Variants in PTPRG observed in about 807,000 individuals in gnomAD.
The protein encoded by PTPRG is receptor-type tyrosine-protein phosphatase gamma.
A neutral mutation model predicts 165.3 loss-of-function variants in PTPRG; 102 were observed. The observed-to-expected ratio is 0.62, with a 90% CI of 0.53 to 0.73. The LOEUF (loss-of-function observed/expected upper bound fraction) is 0.73. Among genes scored for constraint, PTPRG ranks in the 30% least tolerant of loss-of-function variants. The probability of loss-of-function intolerance (pLI) is 0.00; values close to 1 mark genes in which losing one functional copy is unlikely to be tolerated. For synonymous variants in PTPRG, 675 were observed against 669.5 expected, an observed-to-expected ratio of 1.01 and a Z score of -0.13; for missense variants, 1,866 against 1,861.4, an observed-to-expected ratio of 1.00 and a Z score of -0.05.
chr3:61,948,371 A>C (rs1225669170), intron 2 of PTPRG, among the ~76,000 whole-genome samples: 3 of 152,166 alleles, frequency 2.0e-5, no homozygotes, highest in Admixed American at 2.0e-4. Flanking sequence ...AAATGCAGTC[A>C]TTCACTCCCT....
intron 1 of PTPRG, among the ~76,000 whole-genome samples, chr3:61,732,615 A>G (rs2106841158): frequency 6.6e-6 from 1 of 151,164 alleles, no homozygotes; most frequent in Middle Eastern, 3.4e-3. Context: ...AGGCTGAGGC[A>G]GGAGAATGGC....
intron 4 of PTPRG, among the ~76,000 whole-genome samples, chr3:62,069,823 A>G (rs988514347): frequency 3.3e-5 from 5 of 152,172 alleles, no homozygotes; most frequent in South Asian, 2.1e-4. Context: ...CCTGAGCTCA[A>G]TCTGTGTTGC....
chr3:61,727,138 AG>A (rs1243651543), intron 1 of PTPRG, among the ~76,000 whole-genome samples: 1 of 151,420 alleles, frequency 6.6e-6, no homozygotes, highest in Non-Finnish European at 1.5e-5. Flanking sequence ...TGAATGCAGG[AG>A]GGGAGAGGAA....
chr3:62,199,916 C>T (rs1700058338), intron 10 of PTPRG, among the ~76,000 whole-genome samples: 1 of 152,280 alleles, frequency 6.6e-6, no homozygotes, highest in East Asian at 1.9e-4. Flanking sequence ...ATATTATTCA[C>T]CCTCAAAAAG....
intron 2 of PTPRG, among the ~76,000 whole-genome samples, chr3:61,959,207 A>T (rs2040097426): frequency 6.6e-6 from 1 of 152,192 alleles, no homozygotes; most frequent in Non-Finnish European, 1.5e-5. Context: ...TGCAGAGAGA[A>T]TATCATGGCC....
At chr3:61,700,867 G>T (rs765892307) in intron 1 of PTPRG, among the ~76,000 whole-genome samples, 1 of 152,196 alleles carries the variant, frequency 6.6e-6, no homozygotes, top group South Asian at 2.1e-4. Context: ...GGAAATACAT[G>T]TAAAACATCC....
chr3:62,020,387 A>T (rs1265734262), intron 4 of PTPRG, among the ~76,000 whole-genome samples: 2 of 152,326 alleles, frequency 1.3e-5, no homozygotes, highest in African/African-American at 4.8e-5. Flanking sequence ...TTTGTAAGCT[A>T]GAACAAGTAT....
intron 6 of PTPRG, among the ~76,000 whole-genome samples, chr3:62,133,962 A>G (rs1703612416): frequency 6.6e-6 from 1 of 152,108 alleles, no homozygotes; most frequent in African/African-American, 2.4e-5. Flanking sequence ...CAGCCTGGAC[A>G]ACAGAGAGAG....
intron 28 of PTPRG, among the ~76,000 whole-genome samples, chr3:62,286,002 T>C (rs990707252): frequency 1.3e-5 from 2 of 152,228 alleles, no homozygotes; most frequent in African/African-American, 4.8e-5. Flanking sequence ...GTACATGACA[T>C]GTGATAACAT....
chr3:62,109,200 C>T (rs1308934860), intron 5 of PTPRG, among the ~76,000 whole-genome samples: 2 of 152,140 alleles, frequency 1.3e-5, no homozygotes, highest in Non-Finnish European at 2.9e-5. Context: ...AGTCTTTGAT[C>T]CATCTTGAGT....
chr3:61,786,981 G>A (rs1347179282), intron 2 of PTPRG, among the ~76,000 whole-genome samples: 2 of 152,012 alleles, frequency 1.3e-5, no homozygotes, highest in Non-Finnish European at 2.9e-5. Context: ...CACAGTTTTG[G>A]TTTTTAACAT....
chr3:62,168,196 A>G, intron 8 of PTPRG, 33 bp downstream of exon 8: 1 of 1,547,488 alleles, frequency 6.5e-7, no homozygotes, highest in Non-Finnish European at 8.8e-7. Context: ...GCCCAGAGGA[A>G]GATTCCTTAT....
intron 4 of PTPRG, among the ~76,000 whole-genome samples, chr3:62,009,729 T>C (rs2041373957): frequency 6.6e-6 from 1 of 152,052 alleles, no homozygotes; most frequent in South Asian, 2.1e-4. Context: ...AGTGCCACCC[T>C]CTCCACACTG....
chr3:61,821,706 A>T lies in PTPRG; in HGVS notation c.190+72724A>T, dbSNP rs865880665. Reference sequence around the variant, plus strand: ...TAAAGAGATATAAACAGTAGAGGGTAAGGGGTCGTGAGGTGAGTGTATGAA... The same window carrying T: ...TAAAGAGATATAAACAGTAGAGGGTTAGGGGTCGTGAGGTGAGTGTATGAA... On this transcript the variant is annotated intron_variant, in intron 2 of 29. Coordinates refer to ENST00000474889, the MANE Select transcript of PTPRG (RefSeq NM_002841.4). Among the ~76,000 whole-genome samples the T allele has an allele frequency of 3.9e-5, 6 of 152,304 alleles. No homozygotes were observed. The South Asian group carries it at 6.2e-4, about 16-fold the overall frequency.
At position 62,245,629 on chromosome 3, in the gene PTPRG, A is replaced by G. The variant is rs1701271982; in HGVS notation, c.2467+1731A>G. On this transcript the variant is annotated intron_variant, in intron 15 of 29. Transcript: ENST00000474889. This position sits in a 1 kb window ranked among gnomAD's most constrained non-coding sequence, Gnocchi z 4.2. ...GAACCTTAGTTTCCAGAATCTGTAA[A>G]TTAATTAGGATGCCTATTCTCCTTG... 6.6e-6 allele frequency among the ~76,000 whole-genome samples: 1 copy of G among 152,096 alleles called. No homozygotes were observed. Among genetic ancestry groups the G allele is most frequent in the Non-Finnish European group, 1.5e-5 (1 of 68,018 alleles).
chr3:61,736,733 A>T (rs2032738688), intron 1 of PTPRG, among the ~76,000 whole-genome samples: 1 of 152,148 alleles, frequency 6.6e-6, no homozygotes, highest in African/African-American at 2.4e-5. Context: ...GATCGGAGTG[A>T]GGAGCCACTG....
Position 62,094,965 on chromosome 3 carries a change from G to A in PTPRG, c.615+16707G>A, listed in dbSNP as rs181776449. On this transcript the variant is annotated intron_variant, in intron 5 of 29. Transcript: ENST00000474889. Reference sequence around the variant, plus strand: ...ACAGGCCGACTGTGCCATGCAGAATGGTAATCTACCTTCTGTGCCTTTATC... The same window carrying A: ...ACAGGCCGACTGTGCCATGCAGAATAGTAATCTACCTTCTGTGCCTTTATC... Among the ~76,000 whole-genome samples the A allele has an allele frequency of 8.3e-4, 126 of 152,308 alleles. 1 individual carries two copies. The highest frequency in any genetic ancestry group is 4.6e-3 in the South Asian group (22 of 4,830).
At chr3:62,196,201 GGCC>G (rs1699958805) in intron 10 of PTPRG, among the ~76,000 whole-genome samples, 2 of 147,962 alleles carry the variant, frequency 1.4e-5, no homozygotes, top group South Asian at 4.8e-4. Context: ...AGACCAGCCT[GGCC>G]AACATGGTGA....
At chr3:61,665,351 A>G (rs530582660) in intron 1 of PTPRG, among the ~76,000 whole-genome samples, 2 of 152,230 alleles carry the variant, frequency 1.3e-5, no homozygotes, top group East Asian at 3.9e-4. Flanking sequence ...ATTTGAGTCA[A>G]TGATTTTTTT....
Sources: gnomAD v4.1 joint callset for allele counts (sites outside exome capture counted in the v4.1 genomes callset) on GRCh38, gnomAD v4.1.1 for gene constraint, Gnocchi (gnomAD v3.1) non-coding constraint, MANE v1.5 for transcripts, NCBI Gene and HGNC (gene_info 2026-07-23, HGNC 2026-07-21) for gene names.